CACNA2D3: variants seen among roughly 807,000 people sequenced by gnomAD.
CACNA2D3 encodes the protein calcium voltage-gated channel auxiliary subunit alpha2delta 3, also known as voltage-dependent calcium channel subunit alpha-2/delta-3.
CACNA2D3 carries 60 observed loss-of-function variants against 160.6 expected under a neutral mutation model. The ratio of observed to expected loss-of-function variants is 0.37; its 90% CI spans 0.30 to 0.46. The LOEUF (loss-of-function observed/expected upper bound fraction) is 0.46, where lower values mean the gene tolerates loss of function less well. Among genes scored for constraint, CACNA2D3 ranks in the 20% least tolerant of loss-of-function variants. CACNA2D3 has a pLI of 1.00. For missense variants in CACNA2D3, 1,205 were observed against 1,365.0 expected, an observed-to-expected ratio of 0.88 and a Z score of 1.85; for synonymous variants, 558 against 492.9, an observed-to-expected ratio of 1.13 and a Z score of -1.75.
chr3:54,231,203 A>C (rs942529575), intron 2 of CACNA2D3, among the ~76,000 whole-genome samples: 1 of 152,090 alleles, frequency 6.6e-6, no homozygotes, highest in African/African-American at 2.4e-5. Context: ...GGGTGGCTCA[A>C]ATGTTATTAC....
chr3:54,634,993 A>G (rs1218852805), intron 10 of CACNA2D3, among the ~76,000 whole-genome samples: 1 of 151,836 alleles, frequency 6.6e-6, no homozygotes, highest in Non-Finnish European at 1.5e-5. Context: ...TGGGGCGGGG[A>G]AAATTTTTGT....
intron 2 of CACNA2D3, among the ~76,000 whole-genome samples, chr3:54,147,131 C>T (rs1267084474): frequency 1.3e-5 from 2 of 152,202 alleles, no homozygotes; most frequent in Non-Finnish European, 2.9e-5. Flanking sequence ...AGAGTGAGAG[C>T]TGGGGGTGAG....
chr3:54,158,799 T>C (rs1158307245), intron 2 of CACNA2D3, among the ~76,000 whole-genome samples: 1 of 152,228 alleles, frequency 6.6e-6, no homozygotes, highest in Non-Finnish European at 1.5e-5. Context: ...TCTGCATACA[T>C]GCAAAAGAAG....
At chr3:54,778,126 C>T (rs1051442593) in intron 13 of CACNA2D3, among the ~76,000 whole-genome samples, 13 of 152,116 alleles carry the variant, frequency 8.5e-5, no homozygotes, top group African/African-American at 2.7e-4. Context: ...GCACGTCCTA[C>T]GTGGCTGGAG....
Position 54,972,004 on chromosome 3 carries a change from TA to T in CACNA2D3, c.2556+2169del, listed in dbSNP as rs72351538. On this transcript the variant is annotated intron_variant, in intron 29 of 37. Transcript: ENST00000474759. ...ATTCAATAAATGTTGTTTATAAATTTAAAAAAAAACAAACTCTGAAGATGTT... is the reference window on the plus strand; with the variant it reads ...ATTCAATAAATGTTGTTTATAAATTTAAAAAAAACAAACTCTGAAGATGTT... Among the ~76,000 whole-genome samples the T allele has an allele frequency of 5.9e-5, 9 of 151,320 alleles. 1 individual carries two copies. In the East Asian group the frequency reaches 7.8e-4, roughly 13 times the overall value.
intron 9 of CACNA2D3, among the ~76,000 whole-genome samples, chr3:54,602,801 T>C (rs1575374771): frequency 6.6e-6 from 1 of 152,198 alleles, no homozygotes; most frequent in South Asian, 2.1e-4. Context: ...TGTTATTTTT[T>C]AAACCAGCAT....
At chr3:54,455,793 G>A (rs1177032086) in intron 4 of CACNA2D3, among the ~76,000 whole-genome samples, 1 of 152,064 alleles carries the variant, frequency 6.6e-6, no homozygotes, top group Non-Finnish European at 1.5e-5. Context: ...TTCTACAAAT[G>A]TATATCCAGT....
intron 2 of CACNA2D3, among the ~76,000 whole-genome samples, chr3:54,245,734 T>A (rs957692245): frequency 1.3e-5 from 2 of 152,236 alleles, no homozygotes; most frequent in Non-Finnish European, 2.9e-5. Flanking sequence ...AGTGTCATCA[T>A]GCATGAATAC....
At chr3:54,204,448 C>T (rs1012641445) in intron 2 of CACNA2D3, among the ~76,000 whole-genome samples, 2 of 152,028 alleles carry the variant, frequency 1.3e-5, no homozygotes, top group South Asian at 2.1e-4. Context: ...TTGAGGAAAG[C>T]CACGAATGTG....
intron 9 of CACNA2D3, among the ~76,000 whole-genome samples, chr3:54,618,377 A>ATATATG (rs1261954509): frequency 0.049 from 5,879 of 121,088 alleles, 165 homozygotes; most frequent in Non-Finnish European, 0.072. Context: ...ATATATATGC[A>ATATATG]CACACACACA....
At chr3:55,044,711 G>A (rs993246765) in intron 35 of CACNA2D3, among the ~76,000 whole-genome samples, 4 of 152,024 alleles carry the variant, frequency 2.6e-5, no homozygotes, top group African/African-American at 9.7e-5. Context: ...GGGGAAAGCT[G>A]TTAGAATTTT....
intron 4 of CACNA2D3, 33 bp downstream of exon 4, chr3:54,386,807 G>T: frequency 6.5e-7 from 1 of 1,545,764 alleles, no homozygotes; most frequent in Admixed American, 1.9e-5. Flanking sequence ...AAATTGTTTT[G>T]TGTGTTTCCT....
intron 5 of CACNA2D3, among the ~76,000 whole-genome samples, chr3:54,516,703 C>T (rs1010451156): frequency 3.3e-5 from 5 of 152,196 alleles, no homozygotes; most frequent in South Asian, 4.1e-4. Flanking sequence ...TGAGTCCACG[C>T]GACCACATCT....
intron 2 of CACNA2D3, among the ~76,000 whole-genome samples, chr3:54,174,302 T>C (rs73085925): frequency 0.25 from 38,637 of 151,956 alleles, 5,026 homozygotes; most frequent in East Asian, 0.35. Context: ...AAGCCAGCCA[T>C]CCATACAGAC....
At chr3:54,902,544 C>G (rs1437381114) in intron 27 of CACNA2D3, among the ~76,000 whole-genome samples, 1 of 152,202 alleles carries the variant, frequency 6.6e-6, no homozygotes, top group Non-Finnish European at 1.5e-5. Context: ...CAGTGTGCTG[C>G]ATTTTCTTAA....
At chr3:55,072,837 C>T (rs1023567119) in intron 35 of CACNA2D3, among the ~76,000 whole-genome samples, 4 of 152,196 alleles carry the variant, frequency 2.6e-5, no homozygotes, top group African/African-American at 9.7e-5. Flanking sequence ...AAGGTCAGAG[C>T]AGATATACAG....
intron 31 of CACNA2D3, among the ~76,000 whole-genome samples, chr3:54,997,733 G>T (rs1575428094): frequency 6.6e-6 from 1 of 152,110 alleles, no homozygotes; most frequent in Admixed American, 6.6e-5. Context: ...AAAGAGAAAA[G>T]AAAAGGAAAG....
intron 9 of CACNA2D3, among the ~76,000 whole-genome samples, chr3:54,596,129 A>G (rs1287249054): frequency 6.6e-6 from 1 of 151,964 alleles, no homozygotes; most frequent in African/African-American, 2.4e-5. Flanking sequence ...AGATGCCAAA[A>G]CCTACACCTA....
intron 11 of CACNA2D3, among the ~76,000 whole-genome samples, chr3:54,665,110 AG>A (rs1487615775): frequency 6.6e-6 from 1 of 152,218 alleles, no homozygotes; most frequent in Admixed American, 6.5e-5. Flanking sequence ...CAGTGCCCCA[AG>A]GGGAAGATAT....
Sources: allele counts gnomAD v4.1 joint callset (sites outside exome capture counted in the v4.1 genomes callset), GRCh38; gene constraint gnomAD v4.1.1; transcripts MANE v1.5; gene names NCBI Gene and HGNC (gene_info 2026-07-23, HGNC 2026-07-21).